PCNX2: variants seen among roughly 807,000 people sequenced by gnomAD.
The protein encoded by PCNX2 is pecanex 2, also known as pecanex-like protein 2.
PCNX2 carries 168 observed loss-of-function variants against 223.8 expected under a neutral mutation model. The observed-to-expected ratio is 0.75, with a 90% CI of 0.66 to 0.85. The LOEUF (loss-of-function observed/expected upper bound fraction) is 0.85, where lower values mean the gene tolerates loss of function less well. Among genes scored for constraint, PCNX2 ranks in the 40% least tolerant of loss-of-function variants. The pLI, the probability that PCNX2 is intolerant of heterozygous loss-of-function variation, is 0.00. For missense variants in PCNX2, 2,507 were observed against 2,675.5 expected (o/e 0.94, Z 1.39); for synonymous variants, 1,006 against 1,052.6 (o/e 0.96, Z 0.86).
At chr1:233,319,672 C>T in the PCNX2 span, among the ~76,000 whole-genome samples, 15 of 152,152 alleles carry the variant, frequency 9.9e-5, no homozygotes, top group African/African-American at 3.6e-4. Flanking sequence ...AGTGCTTTAT[C>T]GGCAGAGTTT....
At chr1:233,062,328 A>T (rs551287651) in intron 23 of PCNX2, among the ~76,000 whole-genome samples, 2 of 152,126 alleles carry the variant, frequency 1.3e-5, no homozygotes, top group Non-Finnish European at 2.9e-5. Context: ...ACATTATGTT[A>T]TTTATTTCTT....
At chr1:233,189,403 T>C (rs538921407) in intron 15 of PCNX2, among the ~76,000 whole-genome samples, 64 of 152,270 alleles carry the variant, frequency 4.2e-4, no homozygotes, top group African/African-American at 1.5e-3. Context: ...AGTGTGGTAG[T>C]GAGGATGGCA....
chr1:233,178,099 C>T (rs1026515781), intron 16 of PCNX2, among the ~76,000 whole-genome samples: 5 of 152,182 alleles, frequency 3.3e-5, no homozygotes, highest in African/African-American at 1.2e-4. Context: ...CTAATGAGAG[C>T]AGTCAAGTAC....
chr1:233,270,277 T>G (rs1460386607), intron 1 of PCNX2, among the ~76,000 whole-genome samples: 1 of 152,208 alleles, frequency 6.6e-6, no homozygotes, highest in African/African-American at 2.4e-5. Flanking sequence ...TTCAAAATAA[T>G]ATTTCTTACA....
At chr1:233,133,647 G>A (rs1249633491) in intron 21 of PCNX2, among the ~76,000 whole-genome samples, 1 of 152,166 alleles carries the variant, frequency 6.6e-6, no homozygotes, top group Non-Finnish European at 1.5e-5. Context: ...CTTGAGGCCA[G>A]GGGTTGGAGA....
intron 21 of PCNX2, among the ~76,000 whole-genome samples, chr1:233,117,550 G>C (rs1166566539): frequency 6.9e-6 from 1 of 145,502 alleles, no homozygotes; most frequent in Admixed American, 6.9e-5. Context: ...GCAATGAGCC[G>C]AGATCGCGCC....
intron 21 of PCNX2, among the ~76,000 whole-genome samples, chr1:233,106,836 C>T (rs1021934736): frequency 6.6e-6 from 1 of 152,168 alleles, no homozygotes; most frequent in Admixed American, 6.5e-5. Flanking sequence ...TAATCTTCTG[C>T]ATACCTCTCT....
At chr1:233,326,090 A>T in the PCNX2 span, among the ~76,000 whole-genome samples, 1 of 152,390 alleles carries the variant, frequency 6.6e-6, no homozygotes, top group East Asian at 1.9e-4. Flanking sequence ...GATGATCATT[A>T]GCACATTTTA....
At chr1:233,319,860 A>G in the PCNX2 span, among the ~76,000 whole-genome samples, 3 of 152,268 alleles carry the variant, frequency 2.0e-5, no homozygotes, top group Admixed American at 1.3e-4. Context: ...TATTTTAAAG[A>G]TAACATTAAT....
At chr1:233,119,267 T>C (rs750679374) in intron 21 of PCNX2, among the ~76,000 whole-genome samples, 4 of 150,910 alleles carry the variant, frequency 2.7e-5, no homozygotes, top group Non-Finnish European at 5.9e-5. Context: ...ATAAAACTTT[T>C]AGGAAAAAAA....
intron 31 of PCNX2, 84 bp from the exon 32 acceptor site, chr1:232,998,522 C>T (rs1335183275): frequency 1.0e-5 from 15 of 1,490,858 alleles, no homozygotes; most frequent in Admixed American, 4.1e-5. Flanking sequence ...TTGCCTAAAT[C>T]GGGATCGAAG....
chr1:233,180,890 C>T (rs1359570068), intron 15 of PCNX2: 1 of 152,282 alleles, frequency 6.6e-6, no homozygotes, highest in Admixed American at 6.5e-5. Flanking sequence ...CCTCTCAGAT[C>T]AGCTTCCCCG....
chr1:233,219,952 C>A (rs144862607), intron 10 of PCNX2, among the ~76,000 whole-genome samples: 1 of 152,298 alleles, frequency 6.6e-6, no homozygotes, highest in Non-Finnish European at 1.5e-5. Flanking sequence ...CACTCCCCTA[C>A]CCTAAGCCCT....
chr1:233,310,059 G>T, the PCNX2 span, among the ~76,000 whole-genome samples: 1,604 of 152,146 alleles, frequency 0.011, 26 homozygotes, highest in African/African-American at 0.036. Flanking sequence ...TATATACAAT[G>T]TACCATCATT....
At chr1:233,182,729 C>CTCCAT (rs10535320) in intron 15 of PCNX2, among the ~76,000 whole-genome samples, 1,800 of 152,050 alleles carry the variant, frequency 0.012, 20 homozygotes, top group Non-Finnish European at 0.017. Flanking sequence ...TCTGTCCTGA[C>CTCCAT]TCCATTCCAT....
rs1468710306 is a variant in PCNX2 at position 232,990,761 on chromosome 1, C to T, written c.5792-4221G>A. ...GAGCACGTCAACCAGCTCCCACCCA[C>T]TCCTGCTTGGCCGTGTGCTGGGTTC... On this transcript the variant is annotated intron_variant, in intron 32 of 33. Transcript: ENST00000258229. This position sits in a 1 kb window ranked among gnomAD's most constrained non-coding sequence, Gnocchi z 4.3. 6.6e-6 allele frequency among the ~76,000 whole-genome samples: 1 copy of T among 152,214 alleles called. No individual in the cohort carries two copies. Among genetic ancestry groups the T allele is most frequent in the Admixed American group, 6.5e-5 (1 of 15,288 alleles).
In PCNX2 at chr1:233,249,350, G is replaced by C. The variant is rs188425842; in HGVS notation, c.2222+1389C>G. The stretch of plus-strand genomic sequence containing the variant: ...TAGAAAAACTTCAACTTTTAGCTGG[G>C]AATTGCAGAATAATATGACAGTTTT... On this transcript the variant is annotated intron_variant, in intron 8 of 33. Coordinates refer to ENST00000258229, the MANE Select transcript of PCNX2 (RefSeq NM_014801.4). Among the ~76,000 whole-genome samples the C allele has an allele frequency of 2.3e-3, 352 of 152,298 alleles. 4 individuals carry two copies. The highest frequency in any genetic ancestry group is 8.0e-3 in the African/African-American group (332 of 41,554).
intron 1 of PCNX2, chr1:233,293,827 A>G (rs540001602): frequency 5.1e-6 from 2 of 391,286 alleles, no homozygotes; most frequent in Non-Finnish European, 7.0e-6. Flanking sequence ...AGCTCATATT[A>G]GGTCTAGTGA....
At chr1:233,169,060 T>C (rs1678976358) in intron 17 of PCNX2, among the ~76,000 whole-genome samples, 1 of 152,166 alleles carries the variant, frequency 6.6e-6, no homozygotes, top group African/African-American at 2.4e-5. Context: ...ATGATACACA[T>C]ATAATTTGCC....
Sources: allele counts gnomAD v4.1 joint callset (sites outside exome capture counted in the v4.1 genomes callset), GRCh38; gene constraint gnomAD v4.1.1; non-coding constraint Gnocchi (gnomAD v3.1); transcripts MANE v1.5; gene names NCBI Gene and HGNC (gene_info 2026-07-23, HGNC 2026-07-21).